The following EPHA2 variants were observed in gnomAD, a reference collection of about 807,000 sequenced individuals.
EPHA2 encodes the protein ephrin type-A receptor 2.
EPHA2 carries 54 observed loss-of-function variants against 104.9 expected under a neutral mutation model. The ratio of observed to expected loss-of-function variants is 0.51; its 90% CI spans 0.41 to 0.65. The LOEUF is 0.65. Ranked by LOEUF, EPHA2 falls within the 30% of genes least tolerant of loss-of-function variation. The pLI, the probability that EPHA2 is intolerant of heterozygous loss-of-function variation, is 0.00. For synonymous variants in EPHA2, 560 were observed against 559.1 expected (o/e 1.00, Z -0.02); for missense variants, 1,117 against 1,369.5 (o/e 0.82, Z 2.91).
chr1:16,135,690 G>A lies in EPHA2; in HGVS notation c.1393C>T (p.Arg465Ter), dbSNP rs1289700800. 1.9e-6 allele frequency: 3 copies of A among 1,613,798 alleles called. No individual in the cohort carries two copies. Among genetic ancestry groups the A allele is most frequent in the East Asian group, 2.2e-5 (1 of 44,876 alleles). ...SWSIPPPQQS[R>*]VWKYEVTYRK... is the part of the protein sequence containing the mutation. ...TAAGTGACCTCGTACTTCCACACTC[G>A]GCTCTGCTGCGGCGGGGGGATGCTC... The change falls in exon 6 of 17, where the codon CGA becomes TGA. Residue 465 changes from arginine (R) to a stop codon, truncating the protein, a stop_gained. Coordinates refer to ENST00000358432, the MANE Select transcript of EPHA2 (RefSeq NM_004431.5). LOFTEE classifies it high-confidence loss of function. The surrounding 1 kb of genome is among the most constrained non-coding windows in gnomAD (Gnocchi z 4.3).
chr1:16,152,404 A>T (rs1022232037), intron 1 of EPHA2, among the ~76,000 whole-genome samples: 2 of 152,090 alleles, frequency 1.3e-5, no homozygotes, highest in African/African-American at 4.8e-5. Context: ...ACCGGGGCCA[A>T]ACCTCTCTAG....
chr1:16,149,052 G>C lies in EPHA2; in HGVS notation c.154-5C>G. Reference sequence around the variant, plus strand: ...GATGTTCTGCATCAGGTCCCACTGTGGGGGGAAGATACAGGTTAGTGTGGG... The same window carrying C: ...GATGTTCTGCATCAGGTCCCACTGTCGGGGGAAGATACAGGTTAGTGTGGG... On this transcript the variant is annotated splice_region_variant and splice_polypyrimidine_tract_variant and intron_variant, in intron 2 of 16. Transcript: ENST00000358432. 1 of 1,611,842 alleles carries C rather than the reference G, an allele frequency of 6.2e-7. No homozygotes were observed. The highest frequency in any genetic ancestry group is 8.5e-7 in the Non-Finnish European group (1 of 1,179,986).
At chr1:16,139,385 T>C (rs1399679074) in intron 3 of EPHA2, among the ~76,000 whole-genome samples, 4 of 152,230 alleles carry the variant, frequency 2.6e-5, no homozygotes, top group Non-Finnish European at 4.4e-5. Context: ...CAGATTGTTC[T>C]GATGAGAGGG....
At chr1:16,149,764 T>C (rs2025002382) in intron 2 of EPHA2, among the ~76,000 whole-genome samples, 1 of 152,216 alleles carries the variant, frequency 6.6e-6, no homozygotes, top group African/African-American at 2.4e-5. Flanking sequence ...GCACGGCACA[T>C]GGGGACACCC....
chr1:16,144,479 C>T (rs1328214134), intron 3 of EPHA2, among the ~76,000 whole-genome samples: 3 of 152,220 alleles, frequency 2.0e-5, no homozygotes, highest in Non-Finnish European at 4.4e-5. Flanking sequence ...TAAAGACCAC[C>T]TTAACCACAG....
intron 3 of EPHA2, among the ~76,000 whole-genome samples, chr1:16,139,441 A>G (rs994281555): frequency 1.3e-5 from 2 of 152,188 alleles, no homozygotes; most frequent in African/African-American, 4.8e-5. Flanking sequence ...CACACACACA[A>G]TGATCCTCTG....
chr1:16,130,633 T>A lies in EPHA2; in HGVS notation c.2476-214A>T, dbSNP rs1472360290. ...TGTCCAGAGTTCACTGGAAGGGACT[T>A]TTTTTTTTTTGACTGAGACAGGGTC... On this transcript the variant is annotated intron_variant, in intron 14 of 16. Coordinates refer to ENST00000358432, the MANE Select transcript of EPHA2 (RefSeq NM_004431.5). The surrounding 1 kb of genome is among the most constrained non-coding windows in gnomAD (Gnocchi z 4.5). Among the ~76,000 whole-genome samples the A allele has an allele frequency of 6.8e-6, 1 of 148,144 alleles. No individual in the cohort carries two copies. Among genetic ancestry groups the A allele is most frequent in the African/African-American group, 2.5e-5 (1 of 40,674 alleles).
rs913690898 is a variant in EPHA2, at chr1:16,133,683, G to A, written c.1739-77C>T. ...GGGTGCTCTGGAGTCAGAGGAGAAG[G>A]TCACGTGATCTTCAGAGACTTGGAC... On this transcript the variant is annotated intron_variant, in intron 9 of 16. Transcript: ENST00000358432. 6.9e-6 allele frequency: 11 copies of A among 1,595,848 alleles called. No individual in the cohort carries two copies. The African/African-American group carries it at 1.3e-4, about 19-fold the overall frequency.
rs1156604723 is a variant in EPHA2, at chr1:16,155,627, G to A, written c.85+221C>T. On this transcript the variant is annotated intron_variant, in intron 1 of 16. Coordinates refer to ENST00000358432, the MANE Select transcript of EPHA2 (RefSeq NM_004431.5). ...CGTCCTCTTCTCCGCAGCCTCCGAG[G>A]CCCGTGCGACCAAGCTGAAACCGCT... is the stretch of plus-strand genomic sequence containing the variant. The A allele has an allele frequency of 2.7e-5, 11 of 412,672 alleles. No individual in the cohort carries two copies. The East Asian group carries it at 3.7e-4, about 14-fold the overall frequency. The allele number at this position is 412,672 out of a possible 1,614,324, so 25.6% of individuals were successfully genotyped here.
At chr1:16,133,818 G>A (rs371206204) in intron 9 of EPHA2, 42 bp downstream of exon 9, 15 of 1,523,202 alleles carry the variant, frequency 9.8e-6, no homozygotes, top group South Asian at 2.5e-5. Flanking sequence ...AGCTGGGGAC[G>A]GTGCGGGCAG....
Position 16,130,150 on chromosome 1 carries a change from GC to G in EPHA2, c.2669+75del. On this transcript the variant is annotated intron_variant, in intron 15 of 16. Transcript: ENST00000358432. This position sits in a 1 kb window ranked among gnomAD's most constrained non-coding sequence, Gnocchi z 4.5. ...CCCCCCTACCAGCTTCACCTGGGTG[GC>G]CACTCTACCGAAGTGGTTCAAGAGT... 2 of 1,591,028 alleles carry G rather than the reference GC, an allele frequency of 1.3e-6. No individual in the cohort carries two copies. The highest frequency in any genetic ancestry group is 1.7e-6 in the Non-Finnish European group (2 of 1,160,390).
At chr1:16,146,207 G>T (rs528960824) in intron 3 of EPHA2, among the ~76,000 whole-genome samples, 1 of 152,346 alleles carries the variant, frequency 6.6e-6, no homozygotes, top group Admixed American at 6.5e-5. Context: ...GGTGACTAGC[G>T]ATTGACAGGG....
rs2025020501 is a variant in EPHA2, at chr1:16,150,844, G to A, written c.153+52C>T. The A allele has an allele frequency of 1.9e-6, 3 of 1,600,432 alleles. No homozygotes were observed. Among genetic ancestry groups the A allele is most frequent in the South Asian group, 2.2e-5 (2 of 90,784 alleles). On this transcript the variant is annotated intron_variant, in intron 2 of 16. Coordinates refer to ENST00000358432, the MANE Select transcript of EPHA2 (RefSeq NM_004431.5). The surrounding 1 kb of genome is among the most constrained non-coding windows in gnomAD (Gnocchi z 4.8). The stretch of plus-strand genomic sequence containing the variant: ...GGCCTCAGTTTCTCCATCTCTACAG[G>A]GGACCAGCAGCCCCATTCTCACACC...
At position 16,155,922 on chromosome 1, in the gene EPHA2, T is replaced by A; in HGVS notation, c.11A>T (p.Gln4Leu). 1 of 1,490,474 alleles carries A rather than the reference T, an allele frequency of 6.7e-7. No individual in the cohort carries two copies. Among genetic ancestry groups the A allele is most frequent in the Admixed American group, 2.2e-5 (1 of 45,282 alleles). The allele number at this position is 1,490,474 out of a possible 1,614,324, so 92.3% of individuals were successfully genotyped here. A position where few individuals can be genotyped will look rare whatever the true frequency, so the allele number is the denominator to read the frequency against. MEL[Q>L]AARACFALLW... Reference sequence around the variant, plus strand: ...CAGGGCGAAGCAGGCGCGGGCTGCCTGGAGCTCCATGCCGCGCTTCTCGCT... The same window carrying A: ...CAGGGCGAAGCAGGCGCGGGCTGCCAGGAGCTCCATGCCGCGCTTCTCGCT... Residue 4 changes from glutamine (Q) to leucine (L), a missense_variant, in exon 1 of 17, where the codon CAG becomes CTG. By Grantham distance (113) the Gln-to-Leu change is moderately radical. Transcript: ENST00000358432.
At chr1:16,138,779 A>G (rs2024769013) in intron 3 of EPHA2, among the ~76,000 whole-genome samples, 1 of 152,076 alleles carries the variant, frequency 6.6e-6, no homozygotes, top group Non-Finnish European at 1.5e-5. Flanking sequence ...CACTTGACCA[A>G]GCACGCTGCC....
intron 1 of EPHA2, among the ~76,000 whole-genome samples, chr1:16,154,780 A>AT (rs1348531352): frequency 2.0e-5 from 3 of 148,898 alleles, no homozygotes; most frequent in South Asian, 4.2e-4. Context: ...AAAAAAAAAA[A>AT]GAAGGAAACT....
intron 16 of EPHA2, among the ~76,000 whole-genome samples, chr1:16,127,396 T>C (rs2024490272): frequency 1.3e-5 from 2 of 152,026 alleles, no homozygotes; most frequent in African/African-American, 2.4e-5. Flanking sequence ...GGACCACTAG[T>C]CTAGCTAGAA....
At chr1:16,138,512 A>C (rs1013384883) in intron 3 of EPHA2, 82 bp from the exon 4 acceptor site, 2 of 1,597,468 alleles carry the variant, frequency 1.3e-6, no homozygotes, top group Non-Finnish European at 1.7e-6. Context: ...TTCCCTCACC[A>C]GGGACCCCTG....
chr1:16,131,680 G>A lies in EPHA2; in HGVS notation c.2475+41C>T. On this transcript the variant is annotated intron_variant, in intron 14 of 16. Transcript: ENST00000358432. The surrounding 1 kb of genome is among the most constrained non-coding windows in gnomAD (Gnocchi z 5.2). ...AGTTTGAGATGAGTAAAGGGCTTGA[G>A]TTCAGGTCCGGACAGGCCTGGGGAG... The A allele has an allele frequency of 6.2e-7, 1 of 1,613,316 alleles. No individual in the cohort carries two copies. Among genetic ancestry groups the A allele is most frequent in the Non-Finnish European group, 8.5e-7 (1 of 1,179,810 alleles).
Sources: gnomAD v4.1 joint callset for allele counts (sites outside exome capture counted in the v4.1 genomes callset) on GRCh38, gnomAD v4.1.1 for gene constraint, Gnocchi (gnomAD v3.1) non-coding constraint, MANE v1.5 for transcripts, NCBI Gene and HGNC (gene_info 2026-07-23, HGNC 2026-07-21) for gene names.